Variants in RANBP17 observed in about 807,000 individuals in gnomAD.
RANBP17 encodes ran-binding protein 17.
RANBP17 carries 158 observed loss-of-function variants against 141.2 expected under a neutral mutation model. The observed-to-expected ratio is 1.12, with a 90% CI of 0.98 to 1.28. The LOEUF is 1.28. Among genes scored for constraint, RANBP17 ranks in the 50% most tolerant of loss-of-function variants. The pLI is 0.00. For synonymous variants in RANBP17, 430 were observed against 450.0 expected (o/e 0.96, Z 0.56); for missense variants, 1,438 against 1,290.7 (o/e 1.11, Z -1.75).
At chr5:171,170,238 G>A in intron 15 of RANBP17, 35 bp downstream of exon 15, 1 of 1,248,594 alleles carries the variant, frequency 8.0e-7, no homozygotes, top group Admixed American at 2.1e-5. Flanking sequence ...TTTTTCTTTT[G>A]TTGTTGTTTT....
At chr5:170,982,284 G>A (rs374753732) in intron 14 of RANBP17, among the ~76,000 whole-genome samples, 34 of 152,196 alleles carry the variant, frequency 2.2e-4, no homozygotes, top group African/African-American at 7.9e-4. Context: ...CTACAGTGAG[G>A]TTTACTGGAT....
intron 20 of RANBP17, among the ~76,000 whole-genome samples, chr5:171,210,362 C>T (rs779592374): frequency 1.1e-4 from 16 of 152,024 alleles, no homozygotes; most frequent in Admixed American, 7.2e-4. Context: ...AGAATTGGCA[C>T]CACTCTCATT....
intron 19 of RANBP17, among the ~76,000 whole-genome samples, chr5:171,200,596 C>A (rs1347163830): frequency 6.6e-6 from 1 of 151,994 alleles, no homozygotes; most frequent in East Asian, 1.9e-4. Context: ...AATGTAGACA[C>A]CTTTGTTGGT....
At chr5:171,099,273 G>T (rs757316307) in intron 14 of RANBP17, among the ~76,000 whole-genome samples, 4 of 151,974 alleles carry the variant, frequency 2.6e-5, no homozygotes, top group Non-Finnish European at 5.9e-5. Flanking sequence ...ATTTTTTTGT[G>T]TTGTCTCTTA....
At chr5:171,124,259 G>C (rs1408319839) in intron 14 of RANBP17, among the ~76,000 whole-genome samples, 1 of 151,730 alleles carries the variant, frequency 6.6e-6, no homozygotes, top group Admixed American at 6.6e-5. Context: ...GCAGAAGAAA[G>C]AATATCTGAA....
chr5:171,160,344 A>G (rs1297435878), intron 14 of RANBP17, among the ~76,000 whole-genome samples: 2 of 152,168 alleles, frequency 1.3e-5, no homozygotes, highest in African/African-American at 4.8e-5. Context: ...CACTTAGAAC[A>G]TATATCTGTT....
intron 1 of RANBP17, among the ~76,000 whole-genome samples, chr5:170,874,476 A>G (rs1768001732): frequency 6.6e-6 from 1 of 152,164 alleles, no homozygotes; most frequent in African/African-American, 2.4e-5. Flanking sequence ...GTCCCTTTGT[A>G]GGTCTCTCGG....
At chr5:171,049,410 C>T (rs1408490480) in intron 14 of RANBP17, among the ~76,000 whole-genome samples, 1 of 152,140 alleles carries the variant, frequency 6.6e-6, no homozygotes, top group Admixed American at 6.5e-5. Flanking sequence ...TTCTCCCATT[C>T]TGTAGGTTGT....
At chr5:171,275,421 A>C (rs1258486942) in intron 25 of RANBP17, among the ~76,000 whole-genome samples, 3 of 152,216 alleles carry the variant, frequency 2.0e-5, no homozygotes, top group African/African-American at 7.2e-5. Context: ...AGTGTGCTTC[A>C]TACTTGAATA....
chr5:171,163,554 A>C (rs563921940), intron 14 of RANBP17, among the ~76,000 whole-genome samples: 1 of 152,204 alleles, frequency 6.6e-6, no homozygotes, highest in Non-Finnish European at 1.5e-5. Context: ...CAAAAATATG[A>C]AAATTGATTT....
At chr5:171,028,206 A>G (rs1356444678) in intron 14 of RANBP17, among the ~76,000 whole-genome samples, 1 of 152,128 alleles carries the variant, frequency 6.6e-6, no homozygotes, top group Non-Finnish European at 1.5e-5. Flanking sequence ...TAGAATCCTA[A>G]TACTATTTAA....
intron 3 of RANBP17, among the ~76,000 whole-genome samples, chr5:170,887,315 T>A (rs943451848): frequency 6.6e-6 from 1 of 152,230 alleles, no homozygotes; most frequent in East Asian, 1.9e-4. Flanking sequence ...TTATTCATTC[T>A]TTCTTTCGTG....
Position 170,916,494 on chromosome 5 carries a change from G to A in RANBP17, c.864G>A (p.Ser288=), listed in dbSNP as rs1168792707. 1.9e-6 allele frequency: 3 copies of A among 1,568,546 alleles called. No homozygotes were observed. The highest frequency in any genetic ancestry group is 1.8e-5 in the Admixed American group (1 of 54,294). The change falls in exon 9 of 28, where the codon TCG becomes TCA. Residue 288 remains serine (S), a synonymous_variant. Coordinates refer to ENST00000523189, the MANE Select transcript of RANBP17 (RefSeq NM_022897.5). ...TTTCATGTTTAGTTCAGTTTGCTTC[G>A]ACAAGAAGGTCCTTATTTAACAGTC... is the stretch of plus-strand genomic sequence containing the variant. The part of the protein sequence containing the change: ...LALSCLVQFA[S]TRRSLFNSPE...
intron 14 of RANBP17, among the ~76,000 whole-genome samples, chr5:171,111,150 ATTC>A (rs1222453455): frequency 1.3e-5 from 2 of 152,088 alleles, no homozygotes; most frequent in South Asian, 2.1e-4. Flanking sequence ...AGGTCAGAGT[ATTC>A]TTCTTGTATC....
chr5:171,040,883 A>G (rs1057306631), intron 14 of RANBP17, among the ~76,000 whole-genome samples: 2 of 152,200 alleles, frequency 1.3e-5, no homozygotes, highest in East Asian at 1.9e-4. Flanking sequence ...ATCATATTCT[A>G]TTTCACAGAC....
intron 14 of RANBP17, among the ~76,000 whole-genome samples, chr5:171,019,239 C>A (rs1780671170): frequency 6.6e-6 from 1 of 151,966 alleles, no homozygotes; most frequent in Non-Finnish European, 1.5e-5. Flanking sequence ...ATGTGTCTTC[C>A]CGGCTTTGGT....
At chr5:171,289,574 CA>C (rs539507195) in intron 25 of RANBP17, among the ~76,000 whole-genome samples, 1 of 151,898 alleles carries the variant, frequency 6.6e-6, no homozygotes, top group African/African-American at 2.4e-5. Context: ...CTGGTCTCTA[CA>C]AAAAAATCAA....
At chr5:170,946,917 A>G (rs561690806) in intron 12 of RANBP17, among the ~76,000 whole-genome samples, 2 of 152,320 alleles carry the variant, frequency 1.3e-5, no homozygotes, top group East Asian at 3.9e-4. Context: ...ATGAAGCTGA[A>G]ACAAGAAGGT....
chr5:171,133,101 G>C (rs542636546), intron 14 of RANBP17, among the ~76,000 whole-genome samples: 25 of 152,132 alleles, frequency 1.6e-4, no homozygotes, highest in Middle Eastern at 6.8e-3. Flanking sequence ...GGCCAGGCTG[G>C]TCTCGAACTC....
Sources: gnomAD v4.1 joint callset for allele counts (sites outside exome capture counted in the v4.1 genomes callset) on GRCh38, gnomAD v4.1.1 for gene constraint, MANE v1.5 for transcripts, NCBI Gene and HGNC (gene_info 2026-07-23, HGNC 2026-07-21) for gene names.